The following XKR9 variants were observed in gnomAD, a reference collection of about 807,000 sequenced individuals.
XKR9 encodes the protein XK-related protein 9.
XKR9 carries 32 observed loss-of-function variants against 32.0 expected under a neutral mutation model. That is an observed-to-expected ratio of 1.00 (90% CI 0.76 to 1.34). The LOEUF (loss-of-function observed/expected upper bound fraction) is 1.34. XKR9 is among the 40% of genes most tolerant of loss of function. The pLI is 0.00. For synonymous variants in XKR9, 168 were observed against 143.4 expected, an observed-to-expected ratio of 1.17 and a Z score of -1.22; for missense variants, 546 against 429.7, an observed-to-expected ratio of 1.27 and a Z score of -2.39.
At chr8:70,964,524 G>A in the XKR9 span, among the ~76,000 whole-genome samples, 1 of 152,140 alleles carries the variant, frequency 6.6e-6, no homozygotes, top group African/African-American at 2.4e-5. Flanking sequence ...TAGTTTAATA[G>A]GAATAGCATT....
At chr8:70,683,246 T>G (rs1226444469) in intron 3 of XKR9, among the ~76,000 whole-genome samples, 1 of 152,176 alleles carries the variant, frequency 6.6e-6, no homozygotes, top group Non-Finnish European at 1.5e-5. Flanking sequence ...AACAAAACCT[T>G]TGCTGTTAAC....
chr8:70,914,300 A>G, the XKR9 span, among the ~76,000 whole-genome samples: 5 of 152,188 alleles, frequency 3.3e-5, no homozygotes, highest in African/African-American at 1.2e-4. Flanking sequence ...GTTTAATTTT[A>G]GTAGACACTA....
At chr8:70,841,372 A>G in the XKR9 span, among the ~76,000 whole-genome samples, 1 of 152,204 alleles carries the variant, frequency 6.6e-6, no homozygotes, top group African/African-American at 2.4e-5. Context: ...ATACTGTGTC[A>G]TATTCAACTT....
At chr8:70,901,075 T>G in the XKR9 span, among the ~76,000 whole-genome samples, 1 of 152,230 alleles carries the variant, frequency 6.6e-6, no homozygotes, top group Admixed American at 6.5e-5. Context: ...ACCTTTGCGT[T>G]GGTTCCAAGT....
chr8:70,951,032 C>A, the XKR9 span, among the ~76,000 whole-genome samples: 1 of 152,284 alleles, frequency 6.6e-6, no homozygotes, highest in Non-Finnish European at 1.5e-5. Flanking sequence ...GGACTGTGCC[C>A]AGACTGGTGT....
intron 4 of XKR9, among the ~76,000 whole-genome samples, chr8:70,713,301 G>T (rs62530813): frequency 0.073 from 11,058 of 152,108 alleles, 487 homozygotes; most frequent in Non-Finnish European, 0.089. Flanking sequence ...GATAGGGTGA[G>T]AACATCTAAT....
intron 2 of XKR9, among the ~76,000 whole-genome samples, chr8:70,769,041 TG>T (rs1040579752): frequency 2.0e-5 from 3 of 152,168 alleles, no homozygotes; most frequent in Non-Finnish European, 4.4e-5. Flanking sequence ...CTATATATTT[TG>T]GTATGTTTTT....
At chr8:70,979,993 G>C in the XKR9 span, among the ~76,000 whole-genome samples, 1 of 152,248 alleles carries the variant, frequency 6.6e-6, no homozygotes, top group East Asian at 1.9e-4. Flanking sequence ...AGCCAGGCTT[G>C]CTGCCTCGCA....
intron 2 of XKR9, among the ~76,000 whole-genome samples, chr8:70,778,539 A>T (rs1807565465): frequency 1.3e-5 from 2 of 152,200 alleles, no homozygotes; most frequent in Non-Finnish European, 2.9e-5. Flanking sequence ...TACTTTGGGC[A>T]GTATGACCAT....
chr8:70,740,104 G>A (rs914704134), downstream of XKR9, among the ~76,000 whole-genome samples: 2 of 152,150 alleles, frequency 1.3e-5, no homozygotes, highest in Non-Finnish European at 2.9e-5. Context: ...TTCAGGTACA[G>A]CAATCAGATG....
At chr8:70,771,096 CAT>C (rs1807448120) in intron 2 of XKR9, among the ~76,000 whole-genome samples, 2 of 152,304 alleles carry the variant, frequency 1.3e-5, no homozygotes, top group Admixed American at 1.3e-4. Flanking sequence ...GTGGGAAAAG[CAT>C]AGTATCTGGG....
the XKR9 span, among the ~76,000 whole-genome samples, chr8:71,027,420 G>A: frequency 6.8e-6 from 1 of 146,908 alleles, no homozygotes; most frequent in Admixed American, 6.8e-5. Context: ...GATAATATAT[G>A]AATAATATAT....
intron 2 of XKR9, among the ~76,000 whole-genome samples, chr8:70,788,171 A>G (rs982398502): frequency 3.3e-5 from 5 of 152,108 alleles, no homozygotes; most frequent in Admixed American, 2.0e-4. Context: ...TCTGTTGCAC[A>G]GTTTCCTGTG....
chr8:70,858,889 G>T, the XKR9 span, among the ~76,000 whole-genome samples: 1 of 151,900 alleles, frequency 6.6e-6, no homozygotes, highest in Non-Finnish European at 1.5e-5. Context: ...CTAAGACTCA[G>T]AACTATGAAA....
chr8:71,003,640 A>C, the XKR9 span, among the ~76,000 whole-genome samples: 2 of 152,188 alleles, frequency 1.3e-5, no homozygotes, highest in African/African-American at 4.8e-5. Flanking sequence ...CACCTGGAAT[A>C]GTGTGTAGCA....
At chr8:70,784,580 GA>G (rs1229615661) in intron 2 of XKR9, among the ~76,000 whole-genome samples, 3 of 151,062 alleles carry the variant, frequency 2.0e-5, no homozygotes, top group Admixed American at 6.6e-5. Flanking sequence ...AGTTCTGGCA[GA>G]TTTTTTTTTT....
chr8:70,740,638 G>A (rs1194674223), downstream of XKR9, among the ~76,000 whole-genome samples: 1 of 151,962 alleles, frequency 6.6e-6, no homozygotes, highest in African/African-American at 2.4e-5. Context: ...GTACAGATGG[G>A]TTTTTGGTGT....
chr8:70,779,564 G>A (rs1000265762), intron 2 of XKR9, among the ~76,000 whole-genome samples: 1 of 152,124 alleles, frequency 6.6e-6, no homozygotes, highest in South Asian at 2.1e-4. Context: ...GTAGAATTCG[G>A]CTGTGAATCC....
chr8:70,810,869 T>G, the XKR9 span, among the ~76,000 whole-genome samples: 1 of 152,086 alleles, frequency 6.6e-6, no homozygotes, highest in Admixed American at 6.5e-5. Flanking sequence ...CTGTCAACAT[T>G]AGACAGATCA....
Sources: gnomAD v4.1 joint callset for allele counts (sites outside exome capture counted in the v4.1 genomes callset) on GRCh38, gnomAD v4.1.1 for gene constraint, MANE v1.5 for transcripts, NCBI Gene and HGNC (gene_info 2026-07-23, HGNC 2026-07-21) for gene names.